Variants in TG observed in about 807,000 individuals in gnomAD.
TG encodes the protein thyroid hormones.
Under a neutral mutation model 324.7 loss-of-function variants are expected in TG, and 270 were observed. That is an observed-to-expected ratio of 0.83 (90% CI 0.75 to 0.92). TG has a LOEUF of 0.92. TG is among the 40% of genes least tolerant of loss of function. TG has a pLI of 0.00. For synonymous variants in TG, 1,401 were observed against 1,327.0 expected (o/e 1.06, Z -1.21); for missense variants, 3,591 against 3,456.4 (o/e 1.04, Z -0.98).
chr8:133,059,687 G>A (rs1334144195), intron 41 of TG, among the ~76,000 whole-genome samples: 1 of 152,184 alleles, frequency 6.6e-6, no homozygotes, highest in East Asian at 1.9e-4. Flanking sequence ...TAAGTATAAG[G>A]ATGATATTAT....
intron 41 of TG, among the ~76,000 whole-genome samples, chr8:133,069,030 CT>C (rs1339678904): frequency 6.6e-6 from 1 of 152,222 alleles, no homozygotes; most frequent in Non-Finnish European, 1.5e-5. Flanking sequence ...TATTTTAATC[CT>C]AGCCATTACA....
intron 18 of TG, 94 bp from the exon 19 acceptor site, chr8:132,911,283 G>T: frequency 6.2e-7 from 1 of 1,610,430 alleles, no homozygotes; most frequent in Non-Finnish European, 8.5e-7. Context: ...ATTGAAGGAA[G>T]TAACATAAGC....
In TG at chr8:133,134,674, A is replaced by C; in HGVS notation, c.8189-2A>C. The stretch of plus-strand genomic sequence containing the variant: ...CCAACCTTCCTTGCCCCTCTGTTTC[A>C]GATGGAGCCAAGGGCGGGCAGTCAG... On this transcript the variant is annotated splice_acceptor_variant, in intron 47 of 47. Coordinates refer to ENST00000220616, the MANE Select transcript of TG (RefSeq NM_003235.5). LOFTEE classifies it high-confidence loss of function. The C allele has an allele frequency of 6.2e-7, 1 of 1,613,780 alleles. No homozygotes were observed. The highest frequency in any genetic ancestry group is 8.5e-7 in the Non-Finnish European group (1 of 1,179,738).
Position 133,096,192 on chromosome 8 carries a change from T to C in TG, c.7405-14T>C. On this transcript the variant is annotated splice_polypyrimidine_tract_variant and intron_variant, in intron 42 of 47. Coordinates refer to ENST00000220616, the MANE Select transcript of TG (RefSeq NM_003235.5). ...TTATTCCAGGACAACTGATTATTGT[T>C]GCATCCAATGCAGCTCCTGGCCGTG... 1 of 1,614,232 alleles carries C rather than the reference T, an allele frequency of 6.2e-7. No individual in the cohort carries two copies. Among genetic ancestry groups the C allele is most frequent in the Non-Finnish European group, 8.5e-7 (1 of 1,180,028 alleles).
intron 22 of TG, among the ~76,000 whole-genome samples, chr8:132,925,104 G>A (rs1821653103): frequency 6.6e-6 from 1 of 152,180 alleles, no homozygotes; most frequent in South Asian, 2.1e-4. Flanking sequence ...CTTACTGTGT[G>A]CCAGGTGTTT....
In TG at chr8:133,134,662, C is replaced by T. The variant is rs374177941; in HGVS notation, c.8189-14C>T. ...ATCTGGCTTGGACCAACCTTCCTTGCCCCTCTGTTTCAGATGGAGCCAAGG... is the reference window on the plus strand; with the variant it reads ...ATCTGGCTTGGACCAACCTTCCTTGTCCCTCTGTTTCAGATGGAGCCAAGG... On this transcript the variant is annotated splice_polypyrimidine_tract_variant and intron_variant, in intron 47 of 47. Coordinates refer to ENST00000220616, the MANE Select transcript of TG (RefSeq NM_003235.5). 111 of 1,609,346 alleles carry T rather than the reference C, an allele frequency of 6.9e-5. No homozygotes were observed. The highest frequency in any genetic ancestry group is 8.0e-5 in the Non-Finnish European group (94 of 1,175,854).
In TG at chr8:133,002,689, G is replaced by T. The variant is rs923777505; in HGVS notation, c.6263-9212G>T. ...CACACAGTGCGCTTCTCTGCGTGGA[G>T]CAAGCTGGCGCTTCAGTTGAGCCCA... On this transcript the variant is annotated intron_variant, in intron 35 of 47. Coordinates refer to ENST00000220616, the MANE Select transcript of TG (RefSeq NM_003235.5). 1.3e-5 allele frequency: 3 copies of T among 232,124 alleles called. No homozygotes were observed. In the East Asian group the frequency reaches 4.0e-4, roughly 31 times the overall value. 14.4% of individuals were successfully genotyped at this position (232,124 alleles called of 1,614,324 possible). A position where few individuals can be genotyped will look rare whatever the true frequency, so the allele number is the denominator to read the frequency against.
chr8:133,019,842 T>C (rs967157185), intron 39 of TG, 147 bp downstream of exon 39: 5 of 677,962 alleles, frequency 7.4e-6, no homozygotes, highest in Non-Finnish European at 1.3e-5. Flanking sequence ...ACTCAGTTAG[T>C]GAGTGATCTG....
chr8:133,089,979 C>G (rs1242856133), intron 41 of TG: 2 of 152,204 alleles, frequency 1.3e-5, no homozygotes, highest in Non-Finnish European at 2.9e-5. Flanking sequence ...GAATTCTTGG[C>G]TTACTCCTGC....
rs563911218 is a variant in TG, at chr8:133,058,491, C to G, written c.7239+28468C>G. ...GAGACTGATGTTTTCATGAGGTTCGCTCAAGCATGCTGCCCCCTCTGCCCC... is the reference window on the plus strand; with the variant it reads ...GAGACTGATGTTTTCATGAGGTTCGGTCAAGCATGCTGCCCCCTCTGCCCC... On this transcript the variant is annotated intron_variant, in intron 41 of 47. Coordinates refer to ENST00000220616, the MANE Select transcript of TG (RefSeq NM_003235.5). Among the ~76,000 whole-genome samples, 42 of 152,360 alleles carry G rather than the reference C, an allele frequency of 2.8e-4. No individual in the cohort carries two copies. The South Asian group carries it at 8.7e-3, about 32-fold the overall frequency.
chr8:132,960,918 T>A (rs1827656669), intron 27 of TG, 90 bp from the exon 28 acceptor site: 3 of 1,276,106 alleles, frequency 2.4e-6, no homozygotes, highest in South Asian at 2.4e-5. Context: ...AGGAAGAGCC[T>A]GTGTCAAGGG....
chr8:133,039,456 T>A (rs532876770), intron 41 of TG, among the ~76,000 whole-genome samples: 1 of 152,312 alleles, frequency 6.6e-6, no homozygotes, highest in East Asian at 1.9e-4. Context: ...CAATGGGATG[T>A]CTGGATTGAT....
At chr8:132,938,202 T>A (rs1427599615) in intron 25 of TG, among the ~76,000 whole-genome samples, 1 of 152,176 alleles carries the variant, frequency 6.6e-6, no homozygotes, top group African/African-American at 2.4e-5. Context: ...AGGTAGTTAA[T>A]CATGTCCATT....
intron 10 of TG, among the ~76,000 whole-genome samples, chr8:132,889,942 A>G (rs1815991040): frequency 1.3e-5 from 2 of 151,550 alleles, no homozygotes; most frequent in African/African-American, 4.9e-5. Flanking sequence ...ACACCCAGCT[A>G]ATTTTTTTTT....
intron 41 of TG, among the ~76,000 whole-genome samples, chr8:133,092,131 C>T (rs1174634992): frequency 6.6e-6 from 1 of 152,126 alleles, no homozygotes; most frequent in Non-Finnish European, 1.5e-5. Context: ...GAAAGAGAAT[C>T]CTAACTCCCA....
At chr8:133,115,766 T>A (rs895973431) in intron 44 of TG, among the ~76,000 whole-genome samples, 2 of 152,346 alleles carry the variant, frequency 1.3e-5, no homozygotes, top group Non-Finnish European at 2.9e-5. Context: ...TCTGTCTGAC[T>A]CTTGGCCTGG....
At chr8:132,904,916 G>A (rs184160469) in intron 16 of TG, among the ~76,000 whole-genome samples, 18 of 152,174 alleles carry the variant, frequency 1.2e-4, no homozygotes, top group Non-Finnish European at 2.1e-4. Flanking sequence ...GTGGATTCTG[G>A]GGCAAAGATA....
intron 22 of TG, among the ~76,000 whole-genome samples, chr8:132,925,652 T>G (rs1172036602): frequency 2.0e-5 from 3 of 152,142 alleles, no homozygotes; most frequent in African/African-American, 7.2e-5. Context: ...GAAAGTGCTT[T>G]GAGAGATCAG....
chr8:133,114,645 C>T (rs1850539592), intron 44 of TG, among the ~76,000 whole-genome samples: 2 of 152,206 alleles, frequency 1.3e-5, no homozygotes, highest in South Asian at 2.1e-4. Flanking sequence ...TCTGAGGGCT[C>T]TCCAGTCCCA....
Sources: allele counts gnomAD v4.1 joint callset (sites outside exome capture counted in the v4.1 genomes callset), GRCh38; gene constraint gnomAD v4.1.1; transcripts MANE v1.5; gene names NCBI Gene and HGNC (gene_info 2026-07-23, HGNC 2026-07-21).